The following SCHIP1 variants were observed in gnomAD, a reference collection of about 807,000 sequenced individuals.
SCHIP1 encodes schwannomin-interacting protein 1.
A neutral mutation model predicts 29.7 loss-of-function variants in SCHIP1; 8 were observed. The observed-to-expected ratio is 0.27, with a 90% CI of 0.16 to 0.49. The LOEUF (loss-of-function observed/expected upper bound fraction) is 0.49, where lower values mean the gene tolerates loss of function less well. SCHIP1 is among the 20% of genes least tolerant of loss of function. The pLI, the probability that SCHIP1 is intolerant of heterozygous loss-of-function variation, is 0.99. For synonymous variants in SCHIP1, 76 were observed against 94.9 expected (o/e 0.80, Z 1.16); for missense variants, 193 against 294.6 (o/e 0.66, Z 2.52).
At chr3:159,404,721 A>G in the SCHIP1 span, among the ~76,000 whole-genome samples, 2 of 152,194 alleles carry the variant, frequency 1.3e-5, no homozygotes, top group Non-Finnish European at 2.9e-5. Flanking sequence ...CACCTCTCTG[A>G]AGGGAAAGAT....
the SCHIP1 span, among the ~76,000 whole-genome samples, chr3:159,759,955 A>G: frequency 6.6e-6 from 1 of 152,094 alleles, no homozygotes; most frequent in Non-Finnish European, 1.5e-5. Flanking sequence ...TATAAATAGC[A>G]CTGACCCCTG....
At chr3:159,550,680 C>T in the SCHIP1 span, among the ~76,000 whole-genome samples, 1 of 151,888 alleles carries the variant, frequency 6.6e-6, no homozygotes, top group Non-Finnish European at 1.5e-5. Flanking sequence ...CTGTTTTTAT[C>T]TCATAATTGA....
At chr3:159,760,961 C>T in the SCHIP1 span, among the ~76,000 whole-genome samples, 1,574 of 152,258 alleles carry the variant, frequency 0.01, 12 homozygotes, top group Non-Finnish European at 0.018. Flanking sequence ...GTCACGGGCA[C>T]GTGCGAATGT....
At chr3:159,751,091 C>G in the SCHIP1 span, among the ~76,000 whole-genome samples, 34 of 152,196 alleles carry the variant, frequency 2.2e-4, no homozygotes, top group Non-Finnish European at 1.3e-4. Flanking sequence ...CTCTAATGAT[C>G]GAAGATTCAC....
chr3:159,539,962 A>G, the SCHIP1 span, among the ~76,000 whole-genome samples: 1 of 152,086 alleles, frequency 6.6e-6, no homozygotes, highest in South Asian at 2.1e-4. Context: ...AAAGTTAGGA[A>G]AGACATGTTG....
the SCHIP1 span, among the ~76,000 whole-genome samples, chr3:159,300,321 A>C: frequency 4.0e-5 from 6 of 151,348 alleles, no homozygotes; most frequent in South Asian, 1.3e-3. Context: ...TTTTGTAGAG[A>C]TGAAATCTCA....
At chr3:159,796,899 C>T in the SCHIP1 span, among the ~76,000 whole-genome samples, 5 of 152,212 alleles carry the variant, frequency 3.3e-5, no homozygotes, top group African/African-American at 7.2e-5. Flanking sequence ...TCTTTCTTCC[C>T]GATGATGTCA....
At chr3:159,621,423 T>A in the SCHIP1 span, among the ~76,000 whole-genome samples, 1 of 152,220 alleles carries the variant, frequency 6.6e-6, no homozygotes, top group African/African-American at 2.4e-5. Context: ...CACTAACAGT[T>A]TTTAATCTTT....
At chr3:159,511,075 A>G in the SCHIP1 span, among the ~76,000 whole-genome samples, 1 of 152,218 alleles carries the variant, frequency 6.6e-6, no homozygotes, top group African/African-American at 2.4e-5. Flanking sequence ...GGTGGAGTCT[A>G]CAGAGGCCCA....
the SCHIP1 span, among the ~76,000 whole-genome samples, chr3:159,468,725 TATATATAATATA>T: frequency 1.5e-4 from 22 of 144,728 alleles, no homozygotes; most frequent in South Asian, 6.4e-4. Context: ...GTTTTATATA[TATATATAATATA>T]ATATATAATA....
the SCHIP1 span, among the ~76,000 whole-genome samples, chr3:159,680,954 A>C: frequency 2.0e-5 from 3 of 151,456 alleles, no homozygotes; most frequent in Non-Finnish European, 4.4e-5. Context: ...ATATTGCTAC[A>C]TATGCTTCGA....
the SCHIP1 span, among the ~76,000 whole-genome samples, chr3:159,350,374 A>G: frequency 6.6e-6 from 1 of 152,168 alleles, no homozygotes; most frequent in African/African-American, 2.4e-5. Context: ...GAAAATTTTT[A>G]TGCAAAAAAT....
At chr3:159,527,017 G>A in the SCHIP1 span, among the ~76,000 whole-genome samples, 1 of 152,158 alleles carries the variant, frequency 6.6e-6, no homozygotes, top group Admixed American at 6.5e-5. Flanking sequence ...CACCTATTAT[G>A]ACATACACAC....
At chr3:159,656,664 G>GA in the SCHIP1 span, among the ~76,000 whole-genome samples, 3 of 152,256 alleles carry the variant, frequency 2.0e-5, no homozygotes, top group Non-Finnish European at 4.4e-5. Context: ...GTTTCCATGA[G>GA]AAAAAATTAA....
intron 1 of SCHIP1, among the ~76,000 whole-genome samples, chr3:159,858,323 G>C (rs1394769993): frequency 6.6e-6 from 1 of 152,200 alleles, no homozygotes; most frequent in Non-Finnish European, 1.5e-5. Flanking sequence ...CCCTTGAGGA[G>C]TTAACGTTGA....
the SCHIP1 span, among the ~76,000 whole-genome samples, chr3:159,550,092 T>C: frequency 1.3e-5 from 2 of 152,008 alleles, no homozygotes; most frequent in Non-Finnish European, 2.9e-5. Flanking sequence ...ATTAATTATC[T>C]TAAGATATCT....
chr3:159,405,945 T>A, the SCHIP1 span, among the ~76,000 whole-genome samples: 1 of 144,256 alleles, frequency 6.9e-6, no homozygotes, highest in South Asian at 2.2e-4. Flanking sequence ...TTAAAAAGAA[T>A]AAAACGTGCC....
chr3:159,522,363 T>C, the SCHIP1 span, among the ~76,000 whole-genome samples: 5 of 152,236 alleles, frequency 3.3e-5, no homozygotes, highest in Non-Finnish European at 7.3e-5. Context: ...TTGTAAAGCA[T>C]AGGGCGTGTG....
chr3:159,395,763 G>A, the SCHIP1 span, among the ~76,000 whole-genome samples: 1 of 151,454 alleles, frequency 6.6e-6, no homozygotes, highest in African/African-American at 2.4e-5. Context: ...TTTGGAATAG[G>A]TGTGGTGTGG....
Sources: allele counts gnomAD v4.1 joint callset (sites outside exome capture counted in the v4.1 genomes callset), GRCh38; gene constraint gnomAD v4.1.1; transcripts MANE v1.5; gene names NCBI Gene and HGNC (gene_info 2026-07-23, HGNC 2026-07-21).